NEK6: variants seen among roughly 807,000 people sequenced by gnomAD.
NEK6 encodes the protein NIMA related kinase 6, also known as serine/threonine-protein kinase Nek6.
NEK6 carries 27 observed loss-of-function variants against 43.5 expected under a neutral mutation model. The observed-to-expected ratio is 0.62, with a 90% CI of 0.46 to 0.86. NEK6 has a LOEUF of 0.86. Ranked by LOEUF, NEK6 falls within the 40% of genes least tolerant of loss-of-function variation. The pLI is 0.00. For missense variants in NEK6, 318 were observed against 414.4 expected (o/e 0.77, Z 2.02); for synonymous variants, 167 against 164.1 (o/e 1.02, Z -0.14).
chr9:124,323,425 T>G (rs1465106821), intron 5 of NEK6, among the ~76,000 whole-genome samples: 1 of 152,134 alleles, frequency 6.6e-6, no homozygotes, highest in Non-Finnish European at 1.5e-5. Context: ...TTCATGGCGG[T>G]GAACAAACGT....
At position 124,301,939 on chromosome 9, in the gene NEK6, G is replaced by A. The variant is rs768065021; in HGVS notation, c.-26G>A. On this transcript the variant is annotated 5_prime_UTR_variant, in exon 2 of 10. In the 5' UTR this introduces an upstream ATG that the reference lacks. Coordinates refer to ENST00000320246, the MANE Select transcript of NEK6 (RefSeq NM_014397.6). The stretch of plus-strand genomic sequence containing the variant: ...AGGCCGCTGTTTTCTGTTGCAGTTC[G>A]TGCCCTCGTGAGGCTGGCATGCAGG... The A allele has an allele frequency of 1.5e-5, 23 of 1,575,812 alleles. No homozygotes were observed. In the South Asian group the frequency reaches 2.0e-4, roughly 14 times the overall value.
chr9:124,294,999 C>T (rs1454893997), intron 1 of NEK6, among the ~76,000 whole-genome samples: 6 of 152,078 alleles, frequency 3.9e-5, no homozygotes, highest in South Asian at 2.1e-4. Context: ...TGGGGGAGGG[C>T]GAGGCATCCG....
chr9:124,316,898 T>C (rs1468530467), intron 4 of NEK6, among the ~76,000 whole-genome samples: 1 of 152,148 alleles, frequency 6.6e-6, no homozygotes, highest in East Asian at 1.9e-4. Flanking sequence ...CTCTCATTTC[T>C]CCCTTGTTGG....
intron 8 of NEK6, among the ~76,000 whole-genome samples, chr9:124,340,853 C>T (rs888030502): frequency 3.9e-5 from 6 of 152,224 alleles, no homozygotes; most frequent in African/African-American, 1.4e-4. Context: ...GCTGACCTCA[C>T]AGCCCTTGTG....
chr9:124,312,806 T>C (rs933864381), intron 3 of NEK6, among the ~76,000 whole-genome samples, 157 bp downstream of exon 3: 1 of 152,198 alleles, frequency 6.6e-6, no homozygotes, highest in Non-Finnish European at 1.5e-5. Context: ...TGGACTCCTA[T>C]TGATGAAAGT....
At chr9:124,265,736 C>G (rs565031205) in intron 1 of NEK6, 33 of 152,224 alleles carry the variant, frequency 2.2e-4, no homozygotes, top group Admixed American at 7.2e-4. Flanking sequence ...AGTTTTGATG[C>G]AAAAACACAG....
intron 8 of NEK6, among the ~76,000 whole-genome samples, chr9:124,341,253 A>C (rs1829603923): frequency 6.6e-6 from 1 of 152,214 alleles, no homozygotes; most frequent in Non-Finnish European, 1.5e-5. Context: ...CATGTTAGCC[A>C]GGCTGGCAGC....
At chr9:124,263,229 G>T (rs1230138696) in intron 1 of NEK6, among the ~76,000 whole-genome samples, 1 of 152,226 alleles carries the variant, frequency 6.6e-6, no homozygotes, top group Non-Finnish European at 1.5e-5. Context: ...CACCCACTGG[G>T]GTTGAGACGA....
At chr9:124,321,750 A>G (rs568194858) in intron 5 of NEK6, among the ~76,000 whole-genome samples, 181 bp downstream of exon 5, 7 of 152,332 alleles carry the variant, frequency 4.6e-5, no homozygotes, top group Admixed American at 3.3e-4. Context: ...AGGGCCTCTC[A>G]GGGTCCGTCC....
intron 1 of NEK6, among the ~76,000 whole-genome samples, chr9:124,276,233 C>G (rs1831645705): frequency 6.6e-6 from 1 of 152,098 alleles, no homozygotes; most frequent in African/African-American, 2.4e-5. Flanking sequence ...GGCTGCAAGT[C>G]AGAAGAAATG....
upstream of NEK6, chr9:124,257,732 GC>G: frequency 6.5e-7 from 1 of 1,529,782 alleles, no homozygotes; most frequent in Non-Finnish European, 8.7e-7. Flanking sequence ...GTGAGTCTGG[GC>G]CTCAGTCTTC....
chr9:124,314,755 C>T (rs1172041884), intron 4 of NEK6, among the ~76,000 whole-genome samples: 1 of 152,086 alleles, frequency 6.6e-6, no homozygotes, highest in Non-Finnish European at 1.5e-5. Context: ...GCAATCCCCA[C>T]CTTCTCGGTT....
intron 1 of NEK6, chr9:124,261,637 T>C: frequency 1.3e-5 from 12 of 949,328 alleles, no homozygotes; most frequent in Non-Finnish European, 1.5e-5. Context: ...TTTTCCCTGC[T>C]CATTTCCATT....
intron 7 of NEK6, among the ~76,000 whole-genome samples, chr9:124,335,877 A>G (rs1292682238): frequency 6.6e-6 from 1 of 152,232 alleles, no homozygotes; most frequent in African/African-American, 2.4e-5. Flanking sequence ...TAGGAGACCA[A>G]TGTGGGAGGA....
intron 1 of NEK6, chr9:124,292,133 T>C (rs1250826372): frequency 8.6e-7 from 1 of 1,168,676 alleles, no homozygotes; most frequent in Non-Finnish European, 1.1e-6. Context: ...CCGCTTGCTC[T>C]TAGGGGTGTG....
intron 2 of NEK6, among the ~76,000 whole-genome samples, chr9:124,310,902 A>G (rs1351797067): frequency 6.6e-6 from 1 of 152,180 alleles, no homozygotes; most frequent in African/African-American, 2.4e-5. Flanking sequence ...AGACATTTTC[A>G]CTTTACTTTT....
In NEK6 at chr9:124,298,016, T is replaced by G. The variant is rs544500440; in HGVS notation, c.-29-3920T>G. Among the ~76,000 whole-genome samples the G allele has an allele frequency of 3.3e-5, 5 of 152,320 alleles. No individual in the cohort carries two copies. In the South Asian group the frequency reaches 8.3e-4, roughly 25 times the overall value. On this transcript the variant is annotated intron_variant, in intron 1 of 9. Transcript: ENST00000320246. Reference sequence around the variant, plus strand: ...GAGCCCCAAGAGGCAGTAGATTCCTTGGAACAAAGAGGGAGTTTAGAGTCA... The same window carrying G: ...GAGCCCCAAGAGGCAGTAGATTCCTGGGAACAAAGAGGGAGTTTAGAGTCA...
At chr9:124,350,200 G>C (rs992206822) in intron 9 of NEK6, among the ~76,000 whole-genome samples, 1 of 152,198 alleles carries the variant, frequency 6.6e-6, no homozygotes, top group Non-Finnish European at 1.5e-5. Flanking sequence ...CTGTGAGCCC[G>C]TGATGCAGGG....
At chr9:124,344,766 C>T (rs1161307819) in intron 8 of NEK6, among the ~76,000 whole-genome samples, 1 of 152,198 alleles carries the variant, frequency 6.6e-6, no homozygotes, top group Non-Finnish European at 1.5e-5. Context: ...GGCCTCCTCG[C>T]AGCAGCCTTG....
Sources: gnomAD v4.1 joint callset for allele counts (sites outside exome capture counted in the v4.1 genomes callset) on GRCh38, gnomAD v4.1.1 for gene constraint, MANE v1.5 for transcripts, NCBI Gene and HGNC (gene_info 2026-07-23, HGNC 2026-07-21) for gene names.